The following TCAIM variants were observed in gnomAD, a reference collection of about 807,000 sequenced individuals.
TCAIM encodes the protein T-cell activation inhibitor, mitochondrial.
A neutral mutation model predicts 58.6 loss-of-function variants in TCAIM; 36 were observed. The observed-to-expected ratio is 0.61, with a 90% CI of 0.47 to 0.81. TCAIM has a LOEUF of 0.81. Ranked by LOEUF, TCAIM falls within the 30% of genes least tolerant of loss-of-function variation. TCAIM has a pLI of 0.00. For missense variants in TCAIM, 466 were observed against 579.6 expected, an observed-to-expected ratio of 0.80 and a Z score of 2.01; for synonymous variants, 172 against 193.6, an observed-to-expected ratio of 0.89 and a Z score of 0.93.
chr3:44,388,146 A>T (rs1426146650), intron 5 of TCAIM, among the ~76,000 whole-genome samples: 1 of 152,074 alleles, frequency 6.6e-6, no homozygotes, highest in African/African-American at 2.4e-5. Flanking sequence ...GTACTTTTTT[A>T]AAATATAAAA....
intron 1 of TCAIM, among the ~76,000 whole-genome samples, chr3:44,347,753 T>C (rs1048534037): frequency 2.6e-5 from 4 of 152,134 alleles, no homozygotes; most frequent in Non-Finnish European, 5.9e-5. Context: ...TTTTAAAGTA[T>C]GCTGTGGGAT....
intron 5 of TCAIM, among the ~76,000 whole-genome samples, chr3:44,372,410 A>C (rs1701492895): frequency 1.3e-5 from 2 of 152,240 alleles, no homozygotes; most frequent in South Asian, 4.1e-4. Flanking sequence ...TGCAGTTTAA[A>C]TTTTTATTCA....
intron 2 of TCAIM, 122 bp downstream of exon 2, chr3:44,354,933 G>A (rs895510395): frequency 3.4e-6 from 4 of 1,177,330 alleles, no homozygotes; most frequent in Non-Finnish European, 3.6e-6. Flanking sequence ...TGGAAAGCTG[G>A]AACAAAAAGA....
At chr3:44,388,499 A>G (rs1701780038) in intron 5 of TCAIM, among the ~76,000 whole-genome samples, 1 of 152,186 alleles carries the variant, frequency 6.6e-6, no homozygotes, top group Non-Finnish European at 1.5e-5. Flanking sequence ...TTTTCAGTGT[A>G]TTATATAGGA....
At chr3:44,403,241 C>T (rs1352752321) in intron 10 of TCAIM, among the ~76,000 whole-genome samples, 1 of 152,146 alleles carries the variant, frequency 6.6e-6, no homozygotes, top group African/African-American at 2.4e-5. Flanking sequence ...TGCACTCCAG[C>T]CTGGGCAACA....
At chr3:44,387,186 C>T (rs1177167136) in intron 5 of TCAIM, among the ~76,000 whole-genome samples, 1 of 152,196 alleles carries the variant, frequency 6.6e-6, no homozygotes, top group East Asian at 1.9e-4. Flanking sequence ...CTGTGTGTCT[C>T]CTCTCTGCTG....
At chr3:44,373,072 A>G (rs1424752973) in intron 5 of TCAIM, among the ~76,000 whole-genome samples, 1 of 152,200 alleles carries the variant, frequency 6.6e-6, no homozygotes, top group East Asian at 1.9e-4. Flanking sequence ...GTGTCCTAGC[A>G]TTTTTAAATT....
chr3:44,344,988 T>G (rs962730689), intron 1 of TCAIM, among the ~76,000 whole-genome samples: 1 of 152,200 alleles, frequency 6.6e-6, no homozygotes, highest in Non-Finnish European at 1.5e-5. Flanking sequence ...TCAGGCCATC[T>G]GGATGTATAC....
At chr3:44,350,651 C>T (rs1218997755) in intron 1 of TCAIM, among the ~76,000 whole-genome samples, 4 of 152,130 alleles carry the variant, frequency 2.6e-5, no homozygotes, top group Non-Finnish European at 5.9e-5. Flanking sequence ...TGGTCTTGAA[C>T]TCCTGGCCTG....
chr3:44,354,703 T>A, intron 1 of TCAIM, 36 bp from the exon 2 acceptor site: 2 of 1,444,402 alleles, frequency 1.4e-6, no homozygotes, highest in Admixed American at 4.2e-5. Context: ...TTTAAAATTC[T>A]ACTTGTTCAT....
At chr3:44,353,305 C>T (rs1400183013) in intron 1 of TCAIM, among the ~76,000 whole-genome samples, 1 of 152,060 alleles carries the variant, frequency 6.6e-6, no homozygotes, top group Admixed American at 6.6e-5. Flanking sequence ...CTGGATATAC[C>T]ACAGTTTATC....
intron 5 of TCAIM, among the ~76,000 whole-genome samples, chr3:44,374,693 C>G (rs567290058): frequency 6.6e-6 from 1 of 152,182 alleles, no homozygotes; most frequent in African/African-American, 2.4e-5. Context: ...CCCAGGAGGT[C>G]TAGGCTGCAG....
At chr3:44,401,150 T>C (rs954764287) in intron 9 of TCAIM, 53 bp from the exon 10 acceptor site, 1 of 1,587,240 alleles carries the variant, frequency 6.3e-7, no homozygotes, top group African/African-American at 1.4e-5. Flanking sequence ...TTTTCTCTGG[T>C]GGGGGAGAGG....
chr3:44,361,296 A>T, intron 3 of TCAIM, 69 bp from the exon 4 acceptor site: 1 of 1,344,956 alleles, frequency 7.4e-7, no homozygotes, highest in Non-Finnish European at 1.0e-6. Context: ...TTAAAAGGTT[A>T]GATAGATATC....
Position 44,407,829 on chromosome 3 carries a change from A to G in TCAIM, c.*147A>G, listed in dbSNP as rs994835097. On this transcript the variant is annotated 3_prime_UTR_variant, in exon 11 of 11. Transcript: ENST00000342649. Reference sequence around the variant, plus strand: ...AAAAGTAGACTTTTTTAAAAAAATTAATTTCTGCTAGGAGAGGTTTTATAT... The same window carrying G: ...AAAAGTAGACTTTTTTAAAAAAATTGATTTCTGCTAGGAGAGGTTTTATAT... The G allele has an allele frequency of 1.1e-6, 1 of 925,932 alleles. No individual in the cohort carries two copies. The highest frequency in any genetic ancestry group is 1.7e-5 in the African/African-American group (1 of 58,376). The allele number at this position is 925,932 out of a possible 1,614,324, so 57.4% of individuals were successfully genotyped here. A position where few individuals can be genotyped will look rare whatever the true frequency, so the allele number is the denominator to read the frequency against.
At chr3:44,346,517 G>A (rs560572744) in intron 1 of TCAIM, among the ~76,000 whole-genome samples, 1 of 152,288 alleles carries the variant, frequency 6.6e-6, no homozygotes, top group East Asian at 1.9e-4. Context: ...AAGGGAGAGG[G>A]CCTGAACAAT....
intron 5 of TCAIM, among the ~76,000 whole-genome samples, chr3:44,382,605 T>C (rs888329735): frequency 6.6e-6 from 1 of 152,188 alleles, no homozygotes; most frequent in African/African-American, 2.4e-5. Flanking sequence ...AATGGATCTT[T>C]GACTGAAATG....
At chr3:44,343,557 G>A (rs922548766) in intron 1 of TCAIM, among the ~76,000 whole-genome samples, 3 of 152,140 alleles carry the variant, frequency 2.0e-5, no homozygotes, top group African/African-American at 7.2e-5. Flanking sequence ...TTTAAATCCA[G>A]TGGGTATGTT....
intron 5 of TCAIM, among the ~76,000 whole-genome samples, chr3:44,386,209 CA>C (rs10576012): frequency 0.038 from 2,067 of 55,016 alleles, 2 homozygotes; most frequent in Non-Finnish European, 0.045. Flanking sequence ...CCAGAAGCTC[CA>C]AAAAAAAAAA....
Sources: allele counts gnomAD v4.1 joint callset (sites outside exome capture counted in the v4.1 genomes callset), GRCh38; gene constraint gnomAD v4.1.1; transcripts MANE v1.5; gene names NCBI Gene and HGNC (gene_info 2026-07-23, HGNC 2026-07-21).